The following SNTG2 variants were observed in gnomAD, a reference collection of about 807,000 sequenced individuals.
The protein encoded by SNTG2 is syntrophin gamma 2, also known as gamma-2-syntrophin.
Under a neutral mutation model 70.9 loss-of-function variants are expected in SNTG2, and 74 were observed. The ratio of observed to expected loss-of-function variants is 1.04; its 90% confidence interval spans 0.86 to 1.27. The LOEUF is 1.27. SNTG2 is among the 50% of genes most tolerant of loss of function. The probability of loss-of-function intolerance (pLI) is 0.00; values close to 1 mark genes in which losing one functional copy is unlikely to be tolerated. For missense variants in SNTG2, 717 were observed against 690.7 expected, an observed-to-expected ratio of 1.04 and a Z score of -0.43; for synonymous variants, 278 against 273.8, an observed-to-expected ratio of 1.02 and a Z score of -0.15.
intron 1 of SNTG2, among the ~76,000 whole-genome samples, chr2:999,172 T>C (rs1572206673): frequency 6.6e-6 from 1 of 152,144 alleles, no homozygotes; most frequent in East Asian, 1.9e-4. Context: ...GTTGATACCA[T>C]AATAAAAGCA....
chr2:974,545 A>AG (rs1450755291), intron 1 of SNTG2, among the ~76,000 whole-genome samples: 2 of 152,180 alleles, frequency 1.3e-5, no homozygotes, highest in African/African-American at 2.4e-5. Context: ...TCCCTGCCTC[A>AG]GTCTTTGCTG....
At chr2:1,085,100 A>G (rs1029409951) in intron 2 of SNTG2, among the ~76,000 whole-genome samples, 8 of 152,190 alleles carry the variant, frequency 5.3e-5, no homozygotes, top group African/African-American at 1.9e-4. Context: ...ATGTAGATAA[A>G]TCGCATGTCT....
chr2:978,201 A>G (rs1428648842), intron 1 of SNTG2, among the ~76,000 whole-genome samples: 4 of 152,118 alleles, frequency 2.6e-5, no homozygotes, highest in Non-Finnish European at 5.9e-5. Context: ...GAGCTGGGAG[A>G]TGCAGCTCGT....
chr2:1,091,305 C>G (rs921669836), intron 2 of SNTG2, among the ~76,000 whole-genome samples: 2 of 152,086 alleles, frequency 1.3e-5, no homozygotes, highest in Admixed American at 1.3e-4. Flanking sequence ...GGTCCCTGGA[C>G]CACTTGGGAC....
chr2:1,023,012 T>C (rs1572238700), intron 1 of SNTG2, among the ~76,000 whole-genome samples: 1 of 152,078 alleles, frequency 6.6e-6, no homozygotes, highest in Non-Finnish European at 1.5e-5. Flanking sequence ...AATGAGAGTC[T>C]CCCAGGCACA....
chr2:1,229,688 A>G (rs995081932), intron 9 of SNTG2, among the ~76,000 whole-genome samples: 6 of 152,306 alleles, frequency 3.9e-5, no homozygotes, highest in African/African-American at 1.4e-4. Flanking sequence ...CACAGGAGCC[A>G]ATGGAGGGGG....
chr2:962,708 C>T (rs1660391561), intron 1 of SNTG2, among the ~76,000 whole-genome samples: 1 of 152,050 alleles, frequency 6.6e-6, no homozygotes. Flanking sequence ...TTTATTCAAC[C>T]TCATGATGTT....
chr2:1,055,152 C>T (rs1484839686), intron 1 of SNTG2, among the ~76,000 whole-genome samples: 3 of 152,236 alleles, frequency 2.0e-5, no homozygotes, highest in African/African-American at 7.2e-5. Flanking sequence ...AGACGTGGCC[C>T]TGACTGCAGG....
chr2:987,815 C>T (rs191701456), intron 1 of SNTG2, among the ~76,000 whole-genome samples: 2 of 152,230 alleles, frequency 1.3e-5, no homozygotes, highest in Admixed American at 6.5e-5. Flanking sequence ...GACAGGGTTA[C>T]TGAGGAGAAG....
At chr2:1,007,290 A>G (rs1363594549) in intron 1 of SNTG2, among the ~76,000 whole-genome samples, 1 of 152,184 alleles carries the variant, frequency 6.6e-6, no homozygotes, top group Non-Finnish European at 1.5e-5. Context: ...CCTGACCCAC[A>G]CGATCCTAGG....
At chr2:1,262,831 T>C (rs376578078) in intron 13 of SNTG2, 1 of 152,128 alleles carries the variant, frequency 6.6e-6, no homozygotes, top group East Asian at 1.9e-4. Flanking sequence ...GAAGGCTCGG[T>C]CCAGACGAGG....
At chr2:1,063,380 A>G (rs1332070380) in intron 1 of SNTG2, among the ~76,000 whole-genome samples, 3 of 152,128 alleles carry the variant, frequency 2.0e-5, no homozygotes, top group South Asian at 4.1e-4. Flanking sequence ...CAGCCCTTCA[A>G]AGAAGCAGGA....
At chr2:1,147,697 A>T (rs1669190846) in intron 6 of SNTG2, among the ~76,000 whole-genome samples, 1 of 152,210 alleles carries the variant, frequency 6.6e-6, no homozygotes, top group Non-Finnish European at 1.5e-5. Context: ...TCACCAAGAA[A>T]ATCTGCAGAT....
intron 4 of SNTG2, among the ~76,000 whole-genome samples, chr2:1,105,638 G>A (rs1666069138): frequency 6.6e-6 from 1 of 152,142 alleles, no homozygotes; most frequent in South Asian, 2.1e-4. Context: ...TCTGAGCATG[G>A]TTCAGTACTG....
intron 16 of SNTG2, among the ~76,000 whole-genome samples, chr2:1,335,582 C>A (rs1403548608): frequency 1.3e-5 from 2 of 152,114 alleles, no homozygotes; most frequent in Non-Finnish European, 2.9e-5. Flanking sequence ...TTATTTTCGA[C>A]CATCAGAGCT....
chr2:999,904 C>T (rs1235842398), intron 1 of SNTG2, among the ~76,000 whole-genome samples: 2 of 151,796 alleles, frequency 1.3e-5, no homozygotes, highest in Non-Finnish European at 2.9e-5. Flanking sequence ...AAATTTTCAA[C>T]AATCAAAATT....
At chr2:1,047,240 C>A (rs1661790848) in intron 1 of SNTG2, among the ~76,000 whole-genome samples, 1 of 152,104 alleles carries the variant, frequency 6.6e-6, no homozygotes. Context: ...CATCTTTAAT[C>A]TCTTGGATAG....
chr2:1,216,872 G>T (rs948354805), intron 9 of SNTG2, among the ~76,000 whole-genome samples: 3 of 151,946 alleles, frequency 2.0e-5, no homozygotes. Context: ...GATAGCGAGT[G>T]AATTCTCATC....
chr2:1,030,937 G>A (rs1379121865), intron 1 of SNTG2, among the ~76,000 whole-genome samples: 3 of 152,236 alleles, frequency 2.0e-5, no homozygotes, highest in African/African-American at 4.8e-5. Context: ...TGTGAAATTC[G>A]AAGATACCAA....
Sources: allele counts gnomAD v4.1 joint callset (sites outside exome capture counted in the v4.1 genomes callset), GRCh38; gene constraint gnomAD v4.1.1; transcripts MANE v1.5; gene names NCBI Gene and HGNC (gene_info 2026-07-23, HGNC 2026-07-21).